Variants in PRC1 observed in about 807,000 individuals in gnomAD.
PRC1 encodes protein regulator of cytokinesis 1.
Under a neutral mutation model 91.2 loss-of-function variants are expected in PRC1, and 54 were observed. The observed-to-expected ratio is 0.59, with a 90% CI of 0.48 to 0.74. PRC1 has a LOEUF of 0.74. PRC1 is among the 30% of genes least tolerant of loss of function. The pLI, the probability that PRC1 is intolerant of heterozygous loss-of-function variation, is 0.00. For synonymous variants in PRC1, 275 were observed against 263.6 expected (o/e 1.04, Z -0.42); for missense variants, 727 against 746.2 (o/e 0.97, Z 0.30).
chr15:90,974,522 A>T lies in PRC1; in HGVS notation c.1350+63T>A, dbSNP rs1264148444. On this transcript the variant is annotated intron_variant, in intron 10 of 14. Coordinates refer to ENST00000394249, the MANE Select transcript of PRC1 (RefSeq NM_003981.4). The surrounding 1 kb of genome is among the most constrained non-coding windows in gnomAD (Gnocchi z 4.6). Reference sequence around the variant, plus strand: ...CCACAAACCCTGGTCCCCGGCAGAGACTATGGGCTGCTCAGATTACTTTCT... The same window carrying T: ...CCACAAACCCTGGTCCCCGGCAGAGTCTATGGGCTGCTCAGATTACTTTCT... 6.2e-7 allele frequency: 1 copy of T among 1,603,856 alleles called. No homozygotes were observed. Among genetic ancestry groups the T allele is most frequent in the East Asian group, 2.2e-5 (1 of 44,772 alleles).
rs746068012 is a variant in PRC1, at chr15:90,967,141, A to ATGTT, written c.1849_1852dup (p.Ile618LysfsTer23). The ATGTT allele has an allele frequency of 1.2e-6, 2 of 1,613,842 alleles. No individual in the cohort carries two copies. Among genetic ancestry groups the ATGTT allele is most frequent in the African/African-American group, 1.3e-5 (1 of 75,032 alleles). On this transcript the variant is annotated frameshift_variant, in exon 15 of 15. Coordinates refer to ENST00000394249, the MANE Select transcript of PRC1 (RefSeq NM_003981.4). LOFTEE classifies it high-confidence loss of function. ...ACTGATCAGGGCTTCTCAGGACTGGATGTTGGTTGAATTGAGGATTCCAGA... is the reference window on the plus strand; with the variant it reads ...ACTGATCAGGGCTTCTCAGGACTGGATGTTTGTTGGTTGAATTGAGGATTCCAGA...
chr15:90,968,343 G>A (rs1337680238), intron 14 of PRC1: 5 of 985,494 alleles, frequency 5.1e-6, no homozygotes, highest in African/African-American at 3.5e-5. Flanking sequence ...CTGCAGCCTT[G>A]GCCAACTGTT....
intron 6 of PRC1, 127 bp downstream of exon 6, chr15:90,980,757 C>T (rs528565822): frequency 3.5e-5 from 46 of 1,308,528 alleles, no homozygotes; most frequent in Admixed American, 2.2e-4. Context: ...TCACCTGCCT[C>T]GGCCTCCCAA....
chr15:90,989,852 A>G (rs1281188092), intron 1 of PRC1, among the ~76,000 whole-genome samples: 2 of 152,080 alleles, frequency 1.3e-5, no homozygotes, highest in East Asian at 3.9e-4. Flanking sequence ...CAGAATAGGT[A>G]AAAAGTAGAT....
Position 90,969,634 on chromosome 15 carries a change from A to G in PRC1, c.1573-11T>C, listed in dbSNP as rs571744046. On this transcript the variant is annotated splice_polypyrimidine_tract_variant and intron_variant, in intron 12 of 14. Coordinates refer to ENST00000394249, the MANE Select transcript of PRC1 (RefSeq NM_003981.4). Reference sequence around the variant, plus strand: ...GGAAGCAGCGACTGGCTGCAGAGAAAGGAAAGAGATCCATGTATCATCCTT... The same window carrying G: ...GGAAGCAGCGACTGGCTGCAGAGAAGGGAAAGAGATCCATGTATCATCCTT... 3 of 1,583,026 alleles carry G rather than the reference A, an allele frequency of 1.9e-6. No individual in the cohort carries two copies. Among genetic ancestry groups the G allele is most frequent in the African/African-American group, 2.7e-5 (2 of 73,878 alleles).
chr15:90,992,596 T>C lies in PRC1; in HGVS notation c.11+1811A>G, dbSNP rs575782903. Among the ~76,000 whole-genome samples, 11 of 152,288 alleles carry C rather than the reference T, an allele frequency of 7.2e-5. No individual in the cohort carries two copies. In the South Asian group the frequency reaches 8.3e-4, roughly 11 times the overall value. The stretch of plus-strand genomic sequence containing the variant: ...TGAATAACGTGACATTTCAAAAAAG[T>C]TGTATGATCTTAAGATGCTTCAGAG... On this transcript the variant is annotated intron_variant, in intron 1 of 14. Coordinates refer to ENST00000394249, the MANE Select transcript of PRC1 (RefSeq NM_003981.4).
At chr15:90,973,438 A>T (rs1454558285) in intron 11 of PRC1, among the ~76,000 whole-genome samples, 1 of 152,222 alleles carries the variant, frequency 6.6e-6, no homozygotes. Flanking sequence ...GGTATTGTCC[A>T]GGTATTTCCC....
rs949745329 is a variant in PRC1 at position 90,966,339 on chromosome 15, C to G, written c.*792G>C. 4.2e-5 allele frequency: 12 copies of G among 287,100 alleles called. No homozygotes were observed. Among genetic ancestry groups the G allele is most frequent in the Non-Finnish European group, 7.1e-6 (1 of 141,284 alleles). The allele number at this position is 287,100 out of a possible 1,614,324, so 17.8% of individuals were successfully genotyped here. On this transcript the variant is annotated 3_prime_UTR_variant, in exon 15 of 15. Transcript: ENST00000394249. Reference sequence around the variant, plus strand: ...TGACATGTGCAAAGTTCCAGATCTCCACGACAAAGACAGCTCAACCCATTG... The same window carrying G: ...TGACATGTGCAAAGTTCCAGATCTCGACGACAAAGACAGCTCAACCCATTG...
rs1567178785 is a variant in PRC1 at position 90,969,502 on chromosome 15, G to A, written c.1694C>T (p.Pro565Leu). ...ATTAATGCTGAAGTTGCGCTGGAGG[G>A]GGGCCGAGCCAGGGTACCCACCACT... ...ILSGGYPGSA[P>L]LQRNFSINSV... Residue 565 changes from proline to leucine, a missense_variant, in exon 13 of 15, where the codon CCC becomes CTC. Transcript: ENST00000394249. The A allele has an allele frequency of 6.2e-7, 1 of 1,612,812 alleles. No homozygotes were observed. Among genetic ancestry groups the A allele is most frequent in the Non-Finnish European group, 8.5e-7 (1 of 1,179,336 alleles).
chr15:90,982,829 C>T (rs778660179), intron 3 of PRC1: 5 of 152,122 alleles, frequency 3.3e-5, no homozygotes, highest in Non-Finnish European at 7.3e-5. Context: ...TAGCTCATAT[C>T]TAAATACTCA....
chr15:90,982,185 C>T, intron 3 of PRC1: 1 of 588,720 alleles, frequency 1.7e-6, no homozygotes, highest in Non-Finnish European at 3.0e-6. Flanking sequence ...GGGTACTTTT[C>T]CCCCCAATTT....
At chr15:90,980,579 C>A (rs566191843) in intron 6 of PRC1, 190 bp from the exon 7 acceptor site, 2 of 709,156 alleles carry the variant, frequency 2.8e-6, no homozygotes, top group Non-Finnish European at 4.4e-6. Flanking sequence ...AGTGCAGTGG[C>A]GCGATTCTGG....
At chr15:90,970,690 AT>A (rs1332829788) in intron 11 of PRC1, among the ~76,000 whole-genome samples, 176 bp from the exon 12 acceptor site, 1 of 152,152 alleles carries the variant, frequency 6.6e-6, no homozygotes, top group Non-Finnish European at 1.5e-5. Flanking sequence ...CTTGTGAAAA[AT>A]TTTCAAAGCC....
chr15:90,984,611 T>C lies in PRC1; in HGVS notation c.144+82A>G, dbSNP rs2039448118. 3 of 1,554,982 alleles carry C rather than the reference T, an allele frequency of 1.9e-6. No individual in the cohort carries two copies. The South Asian group carries it at 3.5e-5, about 18-fold the overall frequency. On this transcript the variant is annotated intron_variant, in intron 2 of 14. Transcript: ENST00000394249. This position sits in a 1 kb window ranked among gnomAD's most constrained non-coding sequence, Gnocchi z 5.1. ...TGCTATCCTAATGCCGATGATCACA[T>C]GTCCCTTCTGTATGCTATCTCGGGT...
chr15:90,973,642 G>C (rs2038388217), intron 11 of PRC1, among the ~76,000 whole-genome samples: 1 of 152,134 alleles, frequency 6.6e-6, no homozygotes, highest in Non-Finnish European at 1.5e-5. Flanking sequence ...TTCTTAGATA[G>C]GAGAAAACTG....
chr15:90,976,312 G>A (rs1229267692), intron 9 of PRC1, among the ~76,000 whole-genome samples: 1 of 151,570 alleles, frequency 6.6e-6, no homozygotes, highest in African/African-American at 2.4e-5. Context: ...TCATGATCAA[G>A]ACCAGGCTGG....
In PRC1 at chr15:90,974,057, T is replaced by C. The variant is rs2038429263; in HGVS notation, c.1461+79A>G. 3 of 1,172,238 alleles carry C rather than the reference T, an allele frequency of 2.6e-6. No individual in the cohort carries two copies. The Admixed American group carries it at 5.2e-5, about 20-fold the overall frequency. 72.6% of individuals were successfully genotyped at this position (1,172,238 alleles called of 1,614,324 possible). On this transcript the variant is annotated intron_variant, in intron 11 of 14. Coordinates refer to ENST00000394249, the MANE Select transcript of PRC1 (RefSeq NM_003981.4). The surrounding 1 kb of genome is among the most constrained non-coding windows in gnomAD (Gnocchi z 4.6). The stretch of plus-strand genomic sequence containing the variant: ...GAAATACCCACAGGTGTGGAGGGGC[T>C]GGCCCCCTTCAAAGAGGTGGCTGGG...
chr15:90,967,181 T>C lies in PRC1; in HGVS notation c.1813A>G (p.Lys605Glu). 6.2e-7 allele frequency: 1 copy of C among 1,614,122 alleles called. No homozygotes were observed. Among genetic ancestry groups the C allele is most frequent in the Non-Finnish European group, 8.5e-7 (1 of 1,179,924 alleles). The part of the protein sequence containing the change: ...GLQRELSKAS[K>E]SDATSGILNS... ...AGGATTCCAGAAGTAGCATCAGATTTGGAAGCCTTTGAAAGTTCTCGCTGT... is the reference window on the plus strand; with the variant it reads ...AGGATTCCAGAAGTAGCATCAGATTCGGAAGCCTTTGAAAGTTCTCGCTGT... The change falls in exon 15 of 15, where the codon AAA becomes GAA. Residue 605 changes from lysine (K) to glutamate (E), a missense_variant. Physicochemically the swap from Lys to Glu is moderately conservative, Grantham distance 56. Coordinates refer to ENST00000394249, the MANE Select transcript of PRC1 (RefSeq NM_003981.4).
rs1007338252 is a variant in PRC1, at chr15:90,967,856, T to G, written c.1792-654A>C. On this transcript the variant is annotated intron_variant, in intron 14 of 14. Coordinates refer to ENST00000394249, the MANE Select transcript of PRC1 (RefSeq NM_003981.4). ...CATGACTCTACTTCACAGAGCTACTTTAGAGTTGTCAAGGTAAGTAGGCAA... is the reference window on the plus strand; with the variant it reads ...CATGACTCTACTTCACAGAGCTACTGTAGAGTTGTCAAGGTAAGTAGGCAA... 6.1e-6 allele frequency: 6 copies of G among 985,330 alleles called. No individual in the cohort carries two copies. In the African/African-American group the frequency reaches 1.0e-4, roughly 17 times the overall value. The allele number at this position is 985,330 out of a possible 1,614,324, so 61.0% of individuals were successfully genotyped here.
Sources: gnomAD v4.1 joint callset for allele counts (sites outside exome capture counted in the v4.1 genomes callset) on GRCh38, gnomAD v4.1.1 for gene constraint, Gnocchi (gnomAD v3.1) non-coding constraint, MANE v1.5 for transcripts, NCBI Gene and HGNC (gene_info 2026-07-23, HGNC 2026-07-21) for gene names.